GRID2IP: variants seen among roughly 807,000 people sequenced by gnomAD.
The protein encoded by GRID2IP is delphilin.
Under a neutral mutation model 114.3 loss-of-function variants are expected in GRID2IP, and 78 were observed. That is an observed-to-expected ratio of 0.68 (90% CI 0.57 to 0.82). GRID2IP has a LOEUF of 0.82. GRID2IP is among the 40% of genes least tolerant of loss of function. The pLI is 0.00. For missense variants in GRID2IP, 1,727 were observed against 1,678.5 expected (o/e 1.03, Z -0.51); for synonymous variants, 809 against 724.0 (o/e 1.12, Z -1.89).
Position 6,539,801 on chromosome 7 carries a change from A to C in GRID2IP, c.501T>G (p.Ala167=), listed in dbSNP as rs140478635. The change falls in exon 2 of 22, where the codon GCT becomes GCG. Residue 167 remains alanine, a synonymous_variant. Coordinates refer to ENST00000457091, the MANE Select transcript of GRID2IP (RefSeq NM_001145118.2). ...QVFAALKQFA[A]EQRVDDLVWT... Reference sequence around the variant, plus strand: ...ACACCAGATCATCCACCCGCTGCTCAGCTGCAAACTGCTTCAGTGCAGCGA... The same window carrying C: ...ACACCAGATCATCCACCCGCTGCTCCGCTGCAAACTGCTTCAGTGCAGCGA... The C allele has an allele frequency of 6.1e-4, 945 of 1,550,920 alleles. 7 individuals carry two copies. The African/African-American group carries it at 0.011, about 19-fold the overall frequency.
At chr7:6,502,744 G>T in intron 18 of GRID2IP, 42 bp downstream of exon 18, 1 of 1,440,056 alleles carries the variant, frequency 6.9e-7, no homozygotes, top group Non-Finnish European at 9.6e-7. Flanking sequence ...GCGCCTTGCT[G>T]GTAGAGCAAA....
chr7:6,508,435 G>C lies in GRID2IP; in HGVS notation c.2128-34C>G. On this transcript the variant is annotated intron_variant, in intron 12 of 21. Coordinates refer to ENST00000457091, the MANE Select transcript of GRID2IP (RefSeq NM_001145118.2). This position sits in a 1 kb window ranked among gnomAD's most constrained non-coding sequence, Gnocchi z 5.6. ...GGGGAGAGAGGCAAGGGGAGGGTGA[G>C]GCTGGGCCCAGAGAGACTAGAGCAG... 1.3e-6 allele frequency: 2 copies of C among 1,550,296 alleles called. No individual in the cohort carries two copies. The highest frequency in any genetic ancestry group is 2.4e-5 in the East Asian group (1 of 40,910).
intron 7 of GRID2IP, among the ~76,000 whole-genome samples, chr7:6,518,838 T>C (rs1779359694): frequency 1.3e-5 from 2 of 152,170 alleles, no homozygotes; most frequent in Admixed American, 6.6e-5. Flanking sequence ...ATGTATGAAA[T>C]ATACATTGGA....
At chr7:6,518,241 A>G (rs978717445) in intron 7 of GRID2IP, among the ~76,000 whole-genome samples, 1 of 152,106 alleles carries the variant, frequency 6.6e-6, no homozygotes, top group African/African-American at 2.4e-5. Flanking sequence ...GAAAATAAAT[A>G]AAATAAAATA....
intron 1 of GRID2IP, among the ~76,000 whole-genome samples, chr7:6,544,639 C>T (rs1779860045): frequency 6.6e-6 from 1 of 152,074 alleles, no homozygotes; most frequent in Non-Finnish European, 1.5e-5. Context: ...ATGTTCAAGT[C>T]TCTCTCAGGC....
chr7:6,507,950 C>G lies in GRID2IP; in HGVS notation c.2544+35G>C. ...TGCTGCTGCCCAAGCCATCCTCCCC[C>G]AGTACAGAGCGCTGCTGGGTCCCAG... is the stretch of plus-strand genomic sequence containing the variant. On this transcript the variant is annotated intron_variant, in intron 13 of 21. Coordinates refer to ENST00000457091, the MANE Select transcript of GRID2IP (RefSeq NM_001145118.2). The surrounding 1 kb of genome is among the most constrained non-coding windows in gnomAD (Gnocchi z 5.3). The G allele has an allele frequency of 6.5e-7, 1 of 1,547,484 alleles. No individual in the cohort carries two copies. Among genetic ancestry groups the G allele is most frequent in the Non-Finnish European group, 8.7e-7 (1 of 1,145,696 alleles).
rs1473727423 is a variant in GRID2IP, at chr7:6,551,181, C to T, written c.256G>A (p.Asp86Asn). 4 of 1,380,494 alleles carry T rather than the reference C, an allele frequency of 2.9e-6. No individual in the cohort carries two copies. Among genetic ancestry groups the T allele is most frequent in the Non-Finnish European group, 1.9e-6 (2 of 1,076,296 alleles). The allele number at this position is 1,380,494 out of a possible 1,614,324, so 85.5% of individuals were successfully genotyped here. A position where few individuals can be genotyped will look rare whatever the true frequency, so the allele number is the denominator to read the frequency against. Reference protein sequence around the residue: ...PPSLGVLPAPDGGPGPGSGPA... With the variant: ...PPSLGVLPAPNGGPGPGSGPA... ...CCGGATCCTGGGCCGGGGCCACCGT[C>T]GGGAGCCGGGAGCACGCCCAGACTG... is the stretch of plus-strand genomic sequence containing the variant. Residue 86 changes from aspartate (D) to asparagine (N), a missense_variant, in exon 1 of 22, where the codon GAC (aspartate) becomes AAC (asparagine). Physicochemically the swap from Asp to Asn is conservative, Grantham distance 23 (BLOSUM62 1). Transcript: ENST00000457091.
Position 6,551,222 on chromosome 7 carries a change from C to T in GRID2IP, c.215G>A (p.Cys72Tyr). 2.0e-6 allele frequency: 3 copies of T among 1,518,272 alleles called. No individual in the cohort carries two copies. Among genetic ancestry groups the T allele is most frequent in the Non-Finnish European group, 2.6e-6 (3 of 1,139,230 alleles). The allele number at this position is 1,518,272 out of a possible 1,614,324, so 94.1% of individuals were successfully genotyped here. ...RERLVRLARR[C>Y]PRVPPSLGVL... ...GCCCAGACTGGGCGGCACACGTGGG[C>T]AGCGCCGTGCCAGGCGCACGAGGCG... The change falls in exon 1 of 22, where the codon TGC becomes TAC. Residue 72 changes from cysteine (C) to tyrosine (Y), a missense_variant. Physicochemically the swap from Cys to Tyr is radical, Grantham distance 194. Transcript: ENST00000457091.
At position 6,520,006 on chromosome 7, in the gene GRID2IP, T is replaced by C. The variant is rs1344192107; in HGVS notation, c.1268+572A>G. ...ATGCTGCAGGTGGGCCAAGGCACGG[T>C]GGCTCACGCCTGTAATCCCAGCACT... On this transcript the variant is annotated intron_variant, in intron 7 of 21. Transcript: ENST00000457091. The surrounding 1 kb of genome is among the most constrained non-coding windows in gnomAD (Gnocchi z 4.6). Among the ~76,000 whole-genome samples the C allele has an allele frequency of 6.6e-6, 1 of 152,126 alleles. No homozygotes were observed. The highest frequency in any genetic ancestry group is 2.4e-5 in the African/African-American group (1 of 41,430).
At position 6,497,595 on chromosome 7, in the gene GRID2IP, G is replaced by C. The variant is rs1349060920; in HGVS notation, c.*179C>G. 5 of 537,660 alleles carry C rather than the reference G, an allele frequency of 9.3e-6. No individual in the cohort carries two copies. Among genetic ancestry groups the C allele is most frequent in the South Asian group, 2.4e-5 (1 of 41,342 alleles). The allele number at this position is 537,660 out of a possible 1,614,324, so 33.3% of individuals were successfully genotyped here. ...GCATCTGGCTCTGGGCCTGGGGGTA[G>C]GAACAAGGGCTGGCAGAGGAGGGCC... On this transcript the variant is annotated 3_prime_UTR_variant, in exon 22 of 22. Coordinates refer to ENST00000457091, the MANE Select transcript of GRID2IP (RefSeq NM_001145118.2).
rs1447497414 is a variant in GRID2IP, at chr7:6,546,353, A to G, written c.429+4655T>C. ...CGGCCTCCCAAAGTGCTGGGATTAC[A>G]GGTGTGAGCCACCGTGCCCAGCCAA... On this transcript the variant is annotated intron_variant, in intron 1 of 21. Transcript: ENST00000457091. Among the ~76,000 whole-genome samples, 8 of 150,924 alleles carry G rather than the reference A, an allele frequency of 5.3e-5. No individual in the cohort carries two copies. The South Asian group carries it at 8.5e-4, about 16-fold the overall frequency.
In GRID2IP at chr7:6,497,043, C is replaced by G. The variant is rs763294219; in HGVS notation, c.*731G>C. On this transcript the variant is annotated 3_prime_UTR_variant, in exon 22 of 22. Transcript: ENST00000457091. ...GGTGAGAAGTCTGGCAGTTGGCCACCAGATCCTGCTCACCTCCTGCCTCAA... is the reference window on the plus strand; with the variant it reads ...GGTGAGAAGTCTGGCAGTTGGCCACGAGATCCTGCTCACCTCCTGCCTCAA... 1.3e-5 allele frequency among the ~76,000 whole-genome samples: 2 copies of G among 152,176 alleles called. No homozygotes were observed. Among genetic ancestry groups the G allele is most frequent in the African/African-American group, 4.8e-5 (2 of 41,430 alleles).
rs1213436346 is a variant in GRID2IP, at chr7:6,528,581, G to C, written c.585-1812C>G. Among the ~76,000 whole-genome samples, 1 of 152,234 alleles carries C rather than the reference G, an allele frequency of 6.6e-6. No individual in the cohort carries two copies. Among genetic ancestry groups the C allele is most frequent in the Non-Finnish European group, 1.5e-5 (1 of 68,040 alleles). ...TACCAGGTGCCAGGGCCAAGGGCAA[G>C]ATGAGGGGGAGAAGGGAGAAGGGAT... On this transcript the variant is annotated intron_variant, in intron 2 of 21. Coordinates refer to ENST00000457091, the MANE Select transcript of GRID2IP (RefSeq NM_001145118.2). This position sits in a 1 kb window ranked among gnomAD's most constrained non-coding sequence, Gnocchi z 6.0.
intron 1 of GRID2IP, among the ~76,000 whole-genome samples, chr7:6,541,801 A>G (rs1025987816): frequency 6.6e-6 from 1 of 152,142 alleles, no homozygotes; most frequent in Admixed American, 6.6e-5. Flanking sequence ...CTTCTACCCA[A>G]TGATCTCACA....
At chr7:6,512,741 C>A (rs901037364) in intron 8 of GRID2IP, among the ~76,000 whole-genome samples, 1 of 152,118 alleles carries the variant, frequency 6.6e-6, no homozygotes, top group African/African-American at 2.4e-5. Flanking sequence ...GAACTCCTGA[C>A]CTCACGTGAT....
In GRID2IP at chr7:6,520,457, C is replaced by T. The variant is rs553753311; in HGVS notation, c.1268+121G>A. ...GGCCCCTGATACCAGCAGCCACCTTCCTGAGCATCCCCCAGGAGAACGGGA... is the reference window on the plus strand; with the variant it reads ...GGCCCCTGATACCAGCAGCCACCTTTCTGAGCATCCCCCAGGAGAACGGGA... On this transcript the variant is annotated intron_variant, in intron 7 of 21. Transcript: ENST00000457091. The surrounding 1 kb of genome is among the most constrained non-coding windows in gnomAD (Gnocchi z 4.6). 1.1e-5 allele frequency: 13 copies of T among 1,163,236 alleles called. No homozygotes were observed. The East Asian group carries it at 2.6e-4, about 23-fold the overall frequency. The allele number at this position is 1,163,236 out of a possible 1,614,324, so 72.1% of individuals were successfully genotyped here. A position where few individuals can be genotyped will look rare whatever the true frequency, so the allele number is the denominator to read the frequency against.
In GRID2IP at chr7:6,526,514, C is replaced by A; in HGVS notation, c.833+7G>T. Reference sequence around the variant, plus strand: ...GCCCGCTGCCAGTGCCTGTGAGCCCCGCGTACCTGCGCGCGCCCCCGGGGC... The same window carrying A: ...GCCCGCTGCCAGTGCCTGTGAGCCCAGCGTACCTGCGCGCGCCCCCGGGGC... On this transcript the variant is annotated splice_region_variant and intron_variant, in intron 3 of 21. Coordinates refer to ENST00000457091, the MANE Select transcript of GRID2IP (RefSeq NM_001145118.2). This position sits in a 1 kb window ranked among gnomAD's most constrained non-coding sequence, Gnocchi z 7.6. 3 of 1,263,834 alleles carry A rather than the reference C, an allele frequency of 2.4e-6. No homozygotes were observed. The highest frequency in any genetic ancestry group is 3.0e-6 in the Non-Finnish European group (3 of 1,006,152). The allele number at this position is 1,263,834 out of a possible 1,614,324, so 78.3% of individuals were successfully genotyped here.
chr7:6,503,049 G>C lies in GRID2IP; in HGVS notation c.3022C>G (p.Leu1008Val). Residue 1008 changes from leucine to valine, a missense_variant, in exon 17 of 22, where the codon CTG becomes GTG. By Grantham distance (32) the Leu-to-Val change is conservative. Transcript: ENST00000457091. ...GSLECLRQAS[L>V]ELKNSRKLAK... is the part of the protein sequence containing the mutation. ...AGCTTCCGACTGTTTTTGAGCTCCAGGGAGGCCTGGCGCAAGCATTCAAGG... is the reference window on the plus strand; with the variant it reads ...AGCTTCCGACTGTTTTTGAGCTCCACGGAGGCCTGGCGCAAGCATTCAAGG... 1 of 1,551,572 alleles carries C rather than the reference G, an allele frequency of 6.4e-7. No homozygotes were observed. The highest frequency in any genetic ancestry group is 8.7e-7 in the Non-Finnish European group (1 of 1,146,982).
chr7:6,541,802 T>C (rs950392738), intron 1 of GRID2IP, among the ~76,000 whole-genome samples: 6 of 152,134 alleles, frequency 3.9e-5, no homozygotes, highest in African/African-American at 7.2e-5. Context: ...TTCTACCCAA[T>C]GATCTCACAT....
Sources: allele counts gnomAD v4.1 joint callset (sites outside exome capture counted in the v4.1 genomes callset), GRCh38; gene constraint gnomAD v4.1.1; non-coding constraint Gnocchi (gnomAD v3.1); transcripts MANE v1.5; gene names NCBI Gene and HGNC (gene_info 2026-07-23, HGNC 2026-07-21).